The following TRPV1 variants were observed in gnomAD, a reference collection of about 807,000 sequenced individuals.
The protein encoded by TRPV1 is OTRPC1.
Under a neutral mutation model 82.3 loss-of-function variants are expected in TRPV1, and 82 were observed. That is an observed-to-expected ratio of 1.00 (90% CI 0.83 to 1.20). The LOEUF (loss-of-function observed/expected upper bound fraction) is 1.20, where lower values mean the gene tolerates loss of function less well. Among genes scored for constraint, TRPV1 ranks in the 50% most tolerant of loss-of-function variants. TRPV1 has a pLI of 0.00. For missense variants in TRPV1, 1,067 were observed against 1,096.8 expected (o/e 0.97, Z 0.38); for synonymous variants, 515 against 467.7 (o/e 1.10, Z -1.30).
rs1470269885 is a variant in TRPV1, at chr17:3,590,115, C to T, written c.746-10G>A. The T allele has an allele frequency of 6.3e-7, 1 of 1,599,422 alleles. No homozygotes were observed. The highest frequency in any genetic ancestry group is 1.1e-5 in the South Asian group (1 of 88,844). ...GACAGGGGCAGTTCACCTGCATGAA[C>T]ACAGGGCCCAGGTGGGCCTCAGGAG... is the stretch of plus-strand genomic sequence containing the variant. On this transcript the variant is annotated splice_polypyrimidine_tract_variant and intron_variant, in intron 6 of 16. Transcript: ENST00000572705.
At chr17:3,593,546 ACCT>A (rs2075188266) in intron 2 of TRPV1, among the ~76,000 whole-genome samples, 1 of 151,574 alleles carries the variant, frequency 6.6e-6, no homozygotes, top group African/African-American at 2.4e-5. Flanking sequence ...TCGGGTCTCC[ACCT>A]AAGGGCTTTT....
chr17:3,591,733 C>A lies in TRPV1; in HGVS notation c.284+334G>T, dbSNP rs76254516. Among the ~76,000 whole-genome samples, 37 of 152,248 alleles carry A rather than the reference C, an allele frequency of 2.4e-4. No homozygotes were observed. The East Asian group carries it at 7.0e-3, about 29-fold the overall frequency. On this transcript the variant is annotated intron_variant, in intron 3 of 16. Coordinates refer to ENST00000572705, the MANE Select transcript of TRPV1 (RefSeq NM_080704.4). ...TGGCCTCACACTCCCCAGAAGTCAG[C>A]CAGCCTGTGGCCCTCCCTGCCCTGC... is the stretch of plus-strand genomic sequence containing the variant.
At position 3,566,905 on chromosome 17, in the gene TRPV1, G is replaced by C. The variant is rs376139515; in HGVS notation, c.2430C>G (p.Pro810=). 3 of 1,613,828 alleles carry C rather than the reference G, an allele frequency of 1.9e-6. No homozygotes were observed. Among genetic ancestry groups the C allele is most frequent in the Non-Finnish European group, 2.5e-6 (3 of 1,179,900 alleles). The change falls in exon 17 of 17, where the codon CCC becomes CCG. Residue 810 remains proline, a synonymous_variant. Coordinates refer to ENST00000572705, the MANE Select transcript of TRPV1 (RefSeq NM_080704.4). ...AAAACTGTCGCAGATAAACTTCCTC[G>C]GGCTGAGCAGACTGCCTATCTCGAG... The part of the protein sequence containing the change: ...ASARDRQSAQ[P]EEVYLRQFSG...
At chr17:3,609,100 G>A (rs989139597) in intron 1 of TRPV1, 1 of 152,168 alleles carries the variant, frequency 6.6e-6, no homozygotes, top group African/African-American at 2.4e-5. Context: ...TGGTCAGGCT[G>A]GTCTTGAACT....
rs1209173187 is a variant in TRPV1, at chr17:3,573,621, C to G, written c.2103+12G>C. 3.1e-6 allele frequency: 5 copies of G among 1,605,322 alleles called. No individual in the cohort carries two copies. Among genetic ancestry groups the G allele is most frequent in the Non-Finnish European group, 4.2e-6 (5 of 1,177,372 alleles). ...CCGCGCCACTCACCACCCCCCAACT[C>G]CACCCACCCACCTGCAGCTTCCAGA... On this transcript the variant is annotated intron_variant, in intron 14 of 16. Transcript: ENST00000572705.
intron 2 of TRPV1, among the ~76,000 whole-genome samples, chr17:3,600,706 G>A (rs1310008657): frequency 2.0e-5 from 3 of 152,192 alleles, no homozygotes; most frequent in African/African-American, 4.8e-5. Context: ...CAGTATCACC[G>A]GAGTCTACAG....
chr17:3,598,484 C>G (rs748880136), intron 2 of TRPV1, among the ~76,000 whole-genome samples: 1 of 151,958 alleles, frequency 6.6e-6, no homozygotes, highest in African/African-American at 2.4e-5. Flanking sequence ...AGATAATTGC[C>G]CAGGCCGCAC....
intron 10 of TRPV1, 83 bp from the exon 11 acceptor site, chr17:3,580,610 A>G: frequency 7.0e-7 from 1 of 1,419,186 alleles, no homozygotes; most frequent in East Asian, 2.3e-5. Flanking sequence ...CCTAAATGGC[A>G]CCATGATGGG....
chr17:3,577,619 G>A lies in TRPV1; in HGVS notation c.1692C>T (p.Ile564=). 6.3e-6 allele frequency: 10 copies of A among 1,582,136 alleles called. No homozygotes were observed. The highest frequency in any genetic ancestry group is 8.6e-6 in the Non-Finnish European group (10 of 1,164,328). ...YYTRGFQQMG[I]YAVMIEKMIL... ...CCACCTTCTCTATCATGACGGCATA[G>A]ATGCCCATCTGCTGGAAACCGCGGG... The change falls in exon 12 of 17, where the codon ATC becomes ATT. Residue 564 remains isoleucine, a synonymous_variant. Coordinates refer to ENST00000572705, the MANE Select transcript of TRPV1 (RefSeq NM_080704.4).
chr17:3,580,126 C>T (rs1051437510), intron 11 of TRPV1, among the ~76,000 whole-genome samples: 14 of 150,156 alleles, frequency 9.3e-5, no homozygotes, highest in Admixed American at 3.3e-4. Flanking sequence ...ATAGGAAACT[C>T]CCCAAAGGCG....
At chr17:3,595,225 C>T (rs977208976) in intron 2 of TRPV1, among the ~76,000 whole-genome samples, 2 of 152,116 alleles carry the variant, frequency 1.3e-5, no homozygotes, top group Non-Finnish European at 2.9e-5. Context: ...CCACTTCATT[C>T]CCACAACATC....
In TRPV1 at chr17:3,588,286, C is replaced by T. The variant is rs199643343; in HGVS notation, c.1126G>A (p.Gly376Arg). The T allele has an allele frequency of 2.3e-5, 37 of 1,577,388 alleles. No homozygotes were observed. Among genetic ancestry groups the T allele is most frequent in the East Asian group, 1.2e-4 (5 of 42,520 alleles). ...LSRKFTEWAYGPVHSSLYDLS... is the reference protein window; with the variant it reads ...LSRKFTEWAYRPVHSSLYDLS... ...TCGTACAGCGAGGAGTGCACGGGCC[C>T]GTAGGCCCACTCGGTGAACTTCCTG... The change falls in exon 8 of 17, where the codon GGG becomes AGG. Residue 376 changes from glycine to arginine, a missense_variant. By Grantham distance (125) the Gly-to-Arg change is moderately radical (BLOSUM62 -2). Coordinates refer to ENST00000572705, the MANE Select transcript of TRPV1 (RefSeq NM_080704.4).
intron 2 of TRPV1, among the ~76,000 whole-genome samples, chr17:3,603,386 C>T (rs1057048223): frequency 1.3e-4 from 20 of 152,030 alleles, no homozygotes; most frequent in South Asian, 4.1e-4. Context: ...ACAAGAGGGA[C>T]GAGGGCCAAT....
chr17:3,591,736 G>C (rs551693033), intron 3 of TRPV1, among the ~76,000 whole-genome samples: 1 of 152,324 alleles, frequency 6.6e-6, no homozygotes, highest in African/African-American at 2.4e-5. Context: ...AAGTCAGCCA[G>C]CCTGTGGCCC....
intron 2 of TRPV1, among the ~76,000 whole-genome samples, chr17:3,601,138 C>T (rs1469940939): frequency 1.3e-5 from 2 of 152,138 alleles, no homozygotes; most frequent in Non-Finnish European, 2.9e-5. Flanking sequence ...CCACCAAACC[C>T]GGTGCCCTTT....
chr17:3,604,836 C>T (rs943123173), intron 2 of TRPV1, among the ~76,000 whole-genome samples: 2 of 152,002 alleles, frequency 1.3e-5, no homozygotes, highest in Non-Finnish European at 2.9e-5. Flanking sequence ...AACACCCTTC[C>T]TCCAATCCAG....
At chr17:3,600,105 A>G (rs890779622) in intron 2 of TRPV1, among the ~76,000 whole-genome samples, 2 of 152,194 alleles carry the variant, frequency 1.3e-5, no homozygotes, top group Non-Finnish European at 2.9e-5. Flanking sequence ...TCTTTTGGGC[A>G]CATATAGACC....
chr17:3,591,417 G>A, intron 3 of TRPV1, 64 bp from the exon 4 acceptor site: 1 of 1,506,228 alleles, frequency 6.6e-7, no homozygotes, highest in Middle Eastern at 1.8e-4. Context: ...GGCCTTCGGA[G>A]CTTGTCAAGG....
chr17:3,580,546 A>T lies in TRPV1; in HGVS notation c.1477-19T>A. 1.2e-6 allele frequency: 2 copies of T among 1,613,892 alleles called. No individual in the cohort carries two copies. Among genetic ancestry groups the T allele is most frequent in the Non-Finnish European group, 8.5e-7 (1 of 1,179,772 alleles). The stretch of plus-strand genomic sequence containing the variant: ...ACTGAATCTGCAGGTAAACAGAGAG[A>T]GTAAGATCCCAGGCAATGCTCGATG... On this transcript the variant is annotated intron_variant, in intron 10 of 16. Transcript: ENST00000572705.
Sources: allele counts gnomAD v4.1 joint callset (sites outside exome capture counted in the v4.1 genomes callset), GRCh38; gene constraint gnomAD v4.1.1; transcripts MANE v1.5; gene names NCBI Gene and HGNC (gene_info 2026-07-23, HGNC 2026-07-21).